The following XKR6 variants were observed in gnomAD, a reference collection of about 807,000 sequenced individuals.
The protein encoded by XKR6 is XK related 6.
Under a neutral mutation model 56.7 loss-of-function variants are expected in XKR6, and 22 were observed. The ratio of observed to expected loss-of-function variants is 0.39; its 90% CI spans 0.28 to 0.55. The LOEUF is 0.55. Ranked by LOEUF, XKR6 falls within the 20% of genes least tolerant of loss-of-function variation. The pLI, the probability that XKR6 is intolerant of heterozygous loss-of-function variation, is 0.66. For synonymous variants in XKR6, 524 were observed against 387.8 expected, an observed-to-expected ratio of 1.35 and a Z score of -4.13; for missense variants, 852 against 889.0, an observed-to-expected ratio of 0.96 and a Z score of 0.53.
intron 1 of XKR6, among the ~76,000 whole-genome samples, chr8:11,044,512 G>T (rs1799359863): frequency 6.6e-6 from 1 of 152,112 alleles, no homozygotes; most frequent in Non-Finnish European, 1.5e-5. Flanking sequence ...TGACACACCT[G>T]GGGCCCTTCC....
chr8:11,012,521 G>A (rs557586800), intron 1 of XKR6, among the ~76,000 whole-genome samples: 1 of 152,130 alleles, frequency 6.6e-6, no homozygotes, highest in African/African-American at 2.4e-5. Context: ...CATCACCATC[G>A]ACAGCAGTCC....
At chr8:11,134,602 T>C (rs1196416662) in intron 1 of XKR6, among the ~76,000 whole-genome samples, 1 of 152,266 alleles carries the variant, frequency 6.6e-6, no homozygotes, top group African/African-American at 2.4e-5. Flanking sequence ...TGTATATTTT[T>C]ATATTTTTTG....
chr8:11,064,771 C>G (rs1799933730), intron 1 of XKR6, among the ~76,000 whole-genome samples: 1 of 152,166 alleles, frequency 6.6e-6, no homozygotes, highest in African/African-American at 2.4e-5. Context: ...AGAATGTGAG[C>G]CACTGTAGGA....
At chr8:10,911,290 T>G (rs1586294152) in intron 2 of XKR6, among the ~76,000 whole-genome samples, 74 of 117,900 alleles carry the variant, frequency 6.3e-4, no homozygotes, top group South Asian at 1.1e-3. Flanking sequence ...GAGGGTGAGA[T>G]TGTATATATA....
chr8:11,026,445 A>AGTCTAGCCTACTACACACCTAGATG (rs1563353776), intron 1 of XKR6, among the ~76,000 whole-genome samples: 34 of 63,652 alleles, frequency 5.3e-4, no homozygotes, highest in African/African-American at 3.4e-3. Context: ...ACACTTAGAT[A>AGTCTAGCCTACTACACACCTAGATG]GTCTAGCCTA....
chr8:11,149,166 G>C (rs1801141251), intron 1 of XKR6, among the ~76,000 whole-genome samples: 1 of 152,170 alleles, frequency 6.6e-6, no homozygotes, highest in Non-Finnish European at 1.5e-5. Context: ...TGTCACTTAA[G>C]ATGGGAAAAC....
intron 1 of XKR6, among the ~76,000 whole-genome samples, chr8:11,014,388 G>A (rs1236633722): frequency 6.6e-6 from 1 of 152,190 alleles, no homozygotes; most frequent in Non-Finnish European, 1.5e-5. Context: ...CTATTAACCT[G>A]TGCTGGCCTG....
At chr8:11,006,144 A>G (rs565320751) in intron 1 of XKR6, among the ~76,000 whole-genome samples, 1 of 152,260 alleles carries the variant, frequency 6.6e-6, no homozygotes, top group East Asian at 1.9e-4. Context: ...GTGACTGACT[A>G]AAAATTTTTC....
intron 1 of XKR6, among the ~76,000 whole-genome samples, chr8:11,144,256 A>T: frequency 1.3e-5 from 1 of 78,522 alleles, no homozygotes; most frequent in East Asian, 2.7e-4. Flanking sequence ...GTGTGTGTGT[A>T]TCTAAAGTAG....
intron 1 of XKR6, chr8:11,105,276 A>C (rs1337453255): frequency 1.3e-5 from 2 of 152,226 alleles, no homozygotes; most frequent in Non-Finnish European, 2.9e-5. Context: ...TTTTTATTTT[A>C]CCAAACAAGA....
At chr8:10,971,950 A>G (rs1563320091) in intron 1 of XKR6, among the ~76,000 whole-genome samples, 1 of 152,140 alleles carries the variant, frequency 6.6e-6, no homozygotes, top group Admixed American at 6.5e-5. Context: ...CCAAAAATGG[A>G]TTTTTTAGTC....
chr8:10,948,971 G>A (rs1801633744), intron 1 of XKR6, among the ~76,000 whole-genome samples: 3 of 152,226 alleles, frequency 2.0e-5, no homozygotes, highest in South Asian at 2.1e-4. Context: ...CCTGGGCGGT[G>A]CAGCCTCTCG....
chr8:11,149,298 A>G (rs1408401940), intron 1 of XKR6, among the ~76,000 whole-genome samples: 3 of 152,228 alleles, frequency 2.0e-5, no homozygotes, highest in Non-Finnish European at 1.5e-5. Context: ...GCAGGCTACC[A>G]TAGTGAATGC....
chr8:11,012,466 C>T (rs1282185541), intron 1 of XKR6, among the ~76,000 whole-genome samples: 1 of 152,176 alleles, frequency 6.6e-6, no homozygotes. Context: ...TAGTATCTAT[C>T]ATTGTGAGTG....
At chr8:11,123,185 C>A (rs561946072) in intron 1 of XKR6, among the ~76,000 whole-genome samples, 36 of 149,156 alleles carry the variant, frequency 2.4e-4, no homozygotes, top group Non-Finnish European at 4.6e-4. Flanking sequence ...CGCAGTGAGC[C>A]GAGATTGTGC....
At chr8:11,178,337 A>G (rs1017929770) in intron 1 of XKR6, among the ~76,000 whole-genome samples, 2 of 151,978 alleles carry the variant, frequency 1.3e-5, no homozygotes, top group Non-Finnish European at 1.5e-5. Flanking sequence ...GCCAAAAAAC[A>G]TAAGGTATTA....
At chr8:10,920,222 C>T (rs1800671673) in intron 2 of XKR6, among the ~76,000 whole-genome samples, 1 of 152,022 alleles carries the variant, frequency 6.6e-6, no homozygotes, top group Non-Finnish European at 1.5e-5. Context: ...CAGGTCTCAC[C>T]AGTAAAGCCT....
At chr8:10,912,002 T>G (rs77797388) in intron 2 of XKR6, among the ~76,000 whole-genome samples, 33,555 of 148,576 alleles carry the variant, frequency 0.23, 4,053 homozygotes, top group African/African-American at 0.27. Flanking sequence ...TATATATATA[T>G]ATAGAGAGAG....
chr8:11,179,639 A>G (rs1242889524), intron 1 of XKR6, among the ~76,000 whole-genome samples: 2 of 152,084 alleles, frequency 1.3e-5, no homozygotes, highest in Admixed American at 6.6e-5. Context: ...CCACCTTCCA[A>G]TGTCCTCACC....
Sources: gnomAD v4.1 joint callset for allele counts (sites outside exome capture counted in the v4.1 genomes callset) on GRCh38, gnomAD v4.1.1 for gene constraint, MANE v1.5 for transcripts, NCBI Gene and HGNC (gene_info 2026-07-23, HGNC 2026-07-21) for gene names.